Variants in IL17B observed in about 807,000 individuals in gnomAD.
IL17B encodes interleukin 17B.
IL17B carries 14 observed loss-of-function variants against 14.7 expected under a neutral mutation model. The ratio of observed to expected loss-of-function variants is 0.95; its 90% CI spans 0.63 to 1.49. The LOEUF is 1.49. Ranked by LOEUF, IL17B falls within the 40% of genes most tolerant of loss-of-function variation. The pLI, the probability that IL17B is intolerant of heterozygous loss-of-function variation, is 0.00. For synonymous variants in IL17B, 105 were observed against 94.8 expected, an observed-to-expected ratio of 1.11 and a Z score of -0.62; for missense variants, 233 against 252.8, an observed-to-expected ratio of 0.92 and a Z score of 0.53.
At chr5:149,390,050 G>A (rs182001681) in intron 1 of IL17B, among the ~76,000 whole-genome samples, 1 of 152,300 alleles carries the variant, frequency 6.6e-6, no homozygotes, top group Non-Finnish European at 1.5e-5. Context: ...CACTAACCGA[G>A]TTGCTCCCAG....
chr5:149,391,387 G>C (rs909408821), intron 1 of IL17B, among the ~76,000 whole-genome samples: 10 of 152,130 alleles, frequency 6.6e-5, no homozygotes, highest in Non-Finnish European at 1.2e-4. Context: ...CCTCAGCCAC[G>C]GGGGTGTCAC....
upstream of IL17B, among the ~76,000 whole-genome samples, chr5:149,382,806 G>A (rs540094866): frequency 7.5e-4 from 114 of 152,314 alleles, no homozygotes; most frequent in African/African-American, 2.7e-3. Context: ...CTAAACCCAC[G>A]CCCAAGCCCA....
intron 1 of IL17B, among the ~76,000 whole-genome samples, chr5:149,397,594 C>T (rs1393922187): frequency 6.6e-6 from 1 of 152,170 alleles, no homozygotes; most frequent in Non-Finnish European, 1.5e-5. Flanking sequence ...AAAAGAAATG[C>T]TATTCTGTTT....
In IL17B at chr5:149,374,669, A is replaced by C; in HGVS notation, c.312-69T>G. The C allele has an allele frequency of 8.4e-7, 1 of 1,196,576 alleles. No homozygotes were observed. The allele number at this position is 1,196,576 out of a possible 1,614,324, so 74.1% of individuals were successfully genotyped here. ...AAGGGCCAGTCAGCACCCATACTCC[A>C]CACCCCTGCCTTTCCTAATCAGAGT... On this transcript the variant is annotated intron_variant, in intron 2 of 2. Coordinates refer to ENST00000261796, the MANE Select transcript of IL17B (RefSeq NM_014443.3). The surrounding 1 kb of genome is among the most constrained non-coding windows in gnomAD (Gnocchi z 5.0).
upstream of IL17B, among the ~76,000 whole-genome samples, chr5:149,383,110 G>GCAA (rs1374581444): frequency 6.6e-6 from 1 of 152,218 alleles, no homozygotes; most frequent in African/African-American, 2.4e-5. Flanking sequence ...AGTTTCTTCT[G>GCAA]CAAAGTGAAG....
chr5:149,390,217 A>AC (rs369377689), intron 1 of IL17B, among the ~76,000 whole-genome samples: 3,290 of 130,636 alleles, frequency 0.025, 126 homozygotes, highest in African/African-American at 0.061. Context: ...GGTATTAGTG[A>AC]CCCCCCCCCT....
chr5:149,374,528 G>A lies in IL17B; in HGVS notation c.384C>T (p.Asn128=). The A allele has an allele frequency of 1.9e-6, 3 of 1,613,334 alleles. No individual in the cohort carries two copies. Among genetic ancestry groups the A allele is most frequent in the Non-Finnish European group, 2.5e-6 (3 of 1,180,016 alleles). Residue 128 remains asparagine (N), a synonymous_variant, in exon 3 of 3, where the codon AAC becomes AAT. Coordinates refer to ENST00000261796, the MANE Select transcript of IL17B (RefSeq NM_014443.3). The surrounding 1 kb of genome is among the most constrained non-coding windows in gnomAD (Gnocchi z 5.0). ...TGCGGTCCTCCTGCATGGTGAAGGG[G>A]TTCACACAGCCCAGACACAGGCACC... The part of the protein sequence containing the change: ...EARCLCLGCV[N]PFTMQEDRSM...
chr5:149,396,869 G>A (rs888939429), intron 1 of IL17B, among the ~76,000 whole-genome samples: 2 of 152,206 alleles, frequency 1.3e-5, no homozygotes, highest in Admixed American at 6.5e-5. Context: ...TCAGAAGGTC[G>A]CTGAACTGGT....
intron 1 of IL17B, among the ~76,000 whole-genome samples, chr5:149,389,833 C>A (rs900210847): frequency 1.3e-5 from 2 of 152,200 alleles, no homozygotes; most frequent in Non-Finnish European, 2.9e-5. Flanking sequence ...GTTAATGCAA[C>A]CTGGCTTCTA....
At chr5:149,395,475 C>T (rs549860984) in intron 1 of IL17B, among the ~76,000 whole-genome samples, 11 of 152,258 alleles carry the variant, frequency 7.2e-5, no homozygotes, top group African/African-American at 2.2e-4. Flanking sequence ...GTAGAAATAA[C>T]GCTGGTGATT....
At chr5:149,396,655 C>T (rs993209131) in intron 1 of IL17B, among the ~76,000 whole-genome samples, 2 of 152,062 alleles carry the variant, frequency 1.3e-5, no homozygotes, top group Non-Finnish European at 1.5e-5. Context: ...CCTATAGTCC[C>T]GGAAGGCAGA....
rs73795998 is a variant in IL17B at position 149,397,565 on chromosome 5, T to G, written n.95+6543A>C. ...ACAATTTCACAGATCCCTTCCATTG[T>G]GTTGTAAGAAACACAATAAAAAGAA... On this transcript the variant is annotated intron_variant and non_coding_transcript_variant, in intron 1 of 2. Transcript: ENST00000505432. Among the ~76,000 whole-genome samples the G allele has an allele frequency of 6.6e-3, 1,009 of 152,338 alleles. 16 individuals carry two copies. Among genetic ancestry groups the G allele is most frequent in the African/African-American group, 0.023 (958 of 41,576 alleles).
chr5:149,399,589 A>G (rs1468677928), intron 1 of IL17B, among the ~76,000 whole-genome samples: 1 of 152,190 alleles, frequency 6.6e-6, no homozygotes, highest in Non-Finnish European at 1.5e-5. Context: ...CATGTGGCAC[A>G]AGGTTCCTGA....
In IL17B at chr5:149,379,211, G is replaced by C. The variant is rs147405895; in HGVS notation, c.15C>G (p.His5Gln). The C allele has an allele frequency of 1.5e-5, 24 of 1,614,082 alleles. No individual in the cohort carries two copies. Among genetic ancestry groups the C allele is most frequent in the Non-Finnish European group, 2.0e-5 (24 of 1,179,992 alleles). The change falls in exon 1 of 3, where the codon CAC becomes CAG. Residue 5 changes from histidine to glutamine, a missense_variant. By Grantham distance (24) the His-to-Gln change is conservative. Coordinates refer to ENST00000261796, the MANE Select transcript of IL17B (RefSeq NM_014443.3). MDWP[H>Q]NLLFLLTISI... Reference sequence around the variant, plus strand: ...GCAGGGAAGCGCCACGTACCAGGTTGTGAGGCCAGTCCATTCCGCCAAGCT... The same window carrying C: ...GCAGGGAAGCGCCACGTACCAGGTTCTGAGGCCAGTCCATTCCGCCAAGCT...
chr5:149,401,550 C>T (rs1561719946), intron 1 of IL17B, among the ~76,000 whole-genome samples: 1 of 152,184 alleles, frequency 6.6e-6, no homozygotes, highest in East Asian at 1.9e-4. Context: ...ACTAACAGTA[C>T]AAAACTAGCC....
At chr5:149,387,294 C>T (rs984324923) in intron 1 of IL17B, among the ~76,000 whole-genome samples, 1 of 152,226 alleles carries the variant, frequency 6.6e-6, no homozygotes, top group African/African-American at 2.4e-5. Flanking sequence ...AGTGTGGAAT[C>T]TGACCATTTC....
intron 1 of IL17B, among the ~76,000 whole-genome samples, chr5:149,388,763 G>A (rs910145188): frequency 6.6e-6 from 1 of 152,216 alleles, no homozygotes; most frequent in Non-Finnish European, 1.5e-5. Flanking sequence ...GAGACATGGT[G>A]ATGGAAACTT....
upstream of IL17B, among the ~76,000 whole-genome samples, chr5:149,383,665 C>T (rs1338108641): frequency 6.6e-6 from 1 of 152,192 alleles, no homozygotes; most frequent in Non-Finnish European, 1.5e-5. Flanking sequence ...GATCCCTGGA[C>T]GGGAACATTG....
intron 1 of IL17B, among the ~76,000 whole-genome samples, chr5:149,384,970 A>G (rs1758793065): frequency 6.7e-6 from 1 of 148,226 alleles, no homozygotes; most frequent in Admixed American, 6.8e-5. Context: ...GTGCAGTGGC[A>G]TGATCTCAGC....
Sources: allele counts gnomAD v4.1 joint callset (sites outside exome capture counted in the v4.1 genomes callset), GRCh38; gene constraint gnomAD v4.1.1; non-coding constraint Gnocchi (gnomAD v3.1); transcripts MANE v1.5; gene names NCBI Gene and HGNC (gene_info 2026-07-23, HGNC 2026-07-21).